Variants in COL5A1 observed in about 807,000 individuals in gnomAD.
The protein encoded by COL5A1 is collagen type V alpha 1 chain, also known as collagen alpha-1(V) chain.
COL5A1 carries 16 observed loss-of-function variants against 263.7 expected under a neutral mutation model. The ratio of observed to expected loss-of-function variants is 0.06; its 90% CI spans 0.04 to 0.09. The LOEUF is 0.09. COL5A1 is among the 10% of genes least tolerant of loss of function. COL5A1 has a pLI of 1.00. For synonymous variants in COL5A1, 1,012 were observed against 1,004.5 expected, an observed-to-expected ratio of 1.01 and a Z score of -0.14; for missense variants, 2,036 against 2,540.5, an observed-to-expected ratio of 0.80 and a Z score of 4.27.
chr9:134,806,496 C>T (rs1022122566), intron 42 of COL5A1, among the ~76,000 whole-genome samples, 200 bp downstream of exon 42: 1 of 151,992 alleles, frequency 6.6e-6, no homozygotes, highest in Non-Finnish European at 1.5e-5. Context: ...AGGAGGAGTC[C>T]TGGTGCCGGC....
chr9:134,692,473 C>G (rs896379134), intron 2 of COL5A1, among the ~76,000 whole-genome samples: 1 of 152,186 alleles, frequency 6.6e-6, no homozygotes, highest in Non-Finnish European at 1.5e-5. Flanking sequence ...CTTTTCTGCC[C>G]CATGACCCCC....
intron 1 of COL5A1, among the ~76,000 whole-genome samples, chr9:134,689,801 G>A (rs923363460): frequency 1.1e-4 from 17 of 152,158 alleles, no homozygotes; most frequent in African/African-American, 7.2e-5. Context: ...GGCAGTTGCC[G>A]GCTGCTGGGT....
chr9:134,655,311 A>C (rs1831922002), intron 1 of COL5A1, among the ~76,000 whole-genome samples: 1 of 151,826 alleles, frequency 6.6e-6, no homozygotes, highest in African/African-American at 2.4e-5. Flanking sequence ...GTGAGTCCCC[A>C]CCCGAGGGAG....
At chr9:134,699,786 A>T (rs1833603951) in intron 2 of COL5A1, 123 bp from the exon 3 acceptor site, 2 of 899,602 alleles carry the variant, frequency 2.2e-6, no homozygotes, top group East Asian at 2.5e-5. Flanking sequence ...AGCAGATGGC[A>T]GTGCCCCACG....
At chr9:134,835,257 G>A (rs546234363) in intron 65 of COL5A1, 53 bp downstream of exon 65, 447 of 1,500,724 alleles carry the variant, frequency 3.0e-4, no homozygotes, top group African/African-American at 1.3e-3. Context: ...CGTGGGGCTC[G>A]CTCCTCACTC....
At chr9:134,797,411 T>C (rs7873395) in intron 36 of COL5A1, among the ~76,000 whole-genome samples, 17,524 of 152,188 alleles carry the variant, frequency 0.12, 1,460 homozygotes, top group African/African-American at 0.23. Flanking sequence ...CAGTGGCCTG[T>C]GCACACTCAC....
intron 4 of COL5A1, among the ~76,000 whole-genome samples, chr9:134,711,136 TGAATTGTTCGGTC>T (rs1834030788): frequency 6.6e-6 from 1 of 152,100 alleles, no homozygotes; most frequent in Non-Finnish European, 1.5e-5. Flanking sequence ...CCTCTGGGCA[TGAATTGTTCGGTC>T]GGTGGTTTGG....
chr9:134,792,874 T>C (rs1250872330), intron 32 of COL5A1, among the ~76,000 whole-genome samples: 3 of 29,990 alleles, frequency 1.0e-4, no homozygotes, highest in Non-Finnish European at 2.4e-4. Flanking sequence ...TGCGCGCGTT[T>C]GTGCACACGT....
intron 4 of COL5A1, among the ~76,000 whole-genome samples, chr9:134,702,404 G>A (rs2132575928): frequency 6.6e-6 from 1 of 152,116 alleles, no homozygotes; most frequent in South Asian, 2.1e-4. Context: ...GTGAGCTCCT[G>A]GCTGTGTCTA....
In COL5A1 at chr9:134,789,425, G is replaced by A. The variant is rs1837593641; in HGVS notation, c.2700+217G>A. Among the ~76,000 whole-genome samples the A allele has an allele frequency of 6.6e-6, 1 of 152,204 alleles. No individual in the cohort carries two copies. The highest frequency in any genetic ancestry group is 2.4e-5 in the African/African-American group (1 of 41,448). On this transcript the variant is annotated intron_variant, in intron 32 of 65. Coordinates refer to ENST00000371817, the MANE Select transcript of COL5A1 (RefSeq NM_000093.5). The surrounding 1 kb of genome is among the most constrained non-coding windows in gnomAD (Gnocchi z 4.8). Reference sequence around the variant, plus strand: ...AGGTATGTGATAGGAAGGGGCAGAGGCAGGAAGGAAGTGTGCTGAGAAAAT... The same window carrying A: ...AGGTATGTGATAGGAAGGGGCAGAGACAGGAAGGAAGTGTGCTGAGAAAAT...
intron 4 of COL5A1, among the ~76,000 whole-genome samples, chr9:134,706,427 A>G (rs1833840896): frequency 6.6e-6 from 1 of 152,178 alleles, no homozygotes; most frequent in African/African-American, 2.4e-5. Context: ...CTCAGTGGCC[A>G]GGGTGAGCAT....
intron 65 of COL5A1, among the ~76,000 whole-genome samples, chr9:134,837,263 A>G (rs1283024226): frequency 6.6e-6 from 1 of 152,128 alleles, no homozygotes; most frequent in Non-Finnish European, 1.5e-5. Flanking sequence ...CCTGGCTTCC[A>G]TGGCAAAAAG....
Position 134,677,410 on chromosome 9 carries a change from A to C in COL5A1, c.110-13502A>C, listed in dbSNP as rs974734477. On this transcript the variant is annotated intron_variant, in intron 1 of 65. Coordinates refer to ENST00000371817, the MANE Select transcript of COL5A1 (RefSeq NM_000093.5). This position sits in a 1 kb window ranked among gnomAD's most constrained non-coding sequence, Gnocchi z 4.4. ...ACTGAGCATTTCAGGACAGCAGGAGAGGTTTCTCACTGCCTTCTAAATCCC... is the reference window on the plus strand; with the variant it reads ...ACTGAGCATTTCAGGACAGCAGGAGCGGTTTCTCACTGCCTTCTAAATCCC... 1.3e-4 allele frequency among the ~76,000 whole-genome samples: 20 copies of C among 152,140 alleles called. No homozygotes were observed. The highest frequency in any genetic ancestry group is 3.4e-3 in the Middle Eastern group (1 of 294).
In COL5A1 at chr9:134,711,840, G is replaced by C. The variant is rs868379018; in HGVS notation, c.654+10507G>C. Among the ~76,000 whole-genome samples the C allele has an allele frequency of 2.0e-4, 30 of 152,012 alleles. No homozygotes were observed. In the Middle Eastern group the frequency reaches 0.01, roughly 52 times the overall value. ...CACATCTCCTGTGTCCCCTTTCAGC[G>C]TCTCGTTCTCCAGCCCCATAGAGCC... is the stretch of plus-strand genomic sequence containing the variant. On this transcript the variant is annotated intron_variant, in intron 4 of 65. Transcript: ENST00000371817.
intron 34 of COL5A1, 70 bp downstream of exon 34, chr9:134,795,385 T>C (rs1837867844): frequency 1.2e-5 from 15 of 1,301,838 alleles, no homozygotes; most frequent in Non-Finnish European, 1.6e-5. Flanking sequence ...ACGTGGAGCG[T>C]CTGAGGGTGT....
At position 134,685,730 on chromosome 9, in the gene COL5A1, T is replaced by TCATC. The variant is rs1209477923; in HGVS notation, c.110-5163_110-5160dup. On this transcript the variant is annotated intron_variant, in intron 1 of 65. Transcript: ENST00000371817. ...GTCCATCATCCATCTATCCATCCATTCATCCATCCATCCATCCATCCACCA... is the reference window on the plus strand; with the variant it reads ...GTCCATCATCCATCTATCCATCCATTCATCCATCCATCCATCCATCCATCCACCA... Among the ~76,000 whole-genome samples, 198 of 111,254 alleles carry TCATC rather than the reference T, an allele frequency of 1.8e-3. 6 individuals are homozygous for TCATC. Among genetic ancestry groups the TCATC allele is most frequent in the African/African-American group, 6.4e-3 (179 of 27,942 alleles). 73.0% of individuals were successfully genotyped at this position (111,254 alleles called of 152,430 possible). A position where few individuals can be genotyped will look rare whatever the true frequency, so the allele number is the denominator to read the frequency against.
chr9:134,652,771 G>T lies in COL5A1; in HGVS notation c.109+10475G>T, dbSNP rs1399391975. 1 of 470,316 alleles carries T rather than the reference G, an allele frequency of 2.1e-6. No individual in the cohort carries two copies. Among genetic ancestry groups the T allele is most frequent in the Admixed American group, 2.4e-5 (1 of 42,526 alleles). The allele number at this position is 470,316 out of a possible 1,614,324, so 29.1% of individuals were successfully genotyped here. A position where few individuals can be genotyped will look rare whatever the true frequency, so the allele number is the denominator to read the frequency against. On this transcript the variant is annotated intron_variant, in intron 1 of 65. Transcript: ENST00000371817. The surrounding 1 kb of genome is among the most constrained non-coding windows in gnomAD (Gnocchi z 4.4). Reference sequence around the variant, plus strand: ...AGGGCCTCTTCTTAGGCCGGGTCCAGCGTTTCTCCTCATGGTGTAGACCAG... The same window carrying T: ...AGGGCCTCTTCTTAGGCCGGGTCCATCGTTTCTCCTCATGGTGTAGACCAG...
chr9:134,661,182 G>C (rs1013300619), intron 1 of COL5A1, among the ~76,000 whole-genome samples: 3 of 151,694 alleles, frequency 2.0e-5, no homozygotes, highest in Non-Finnish European at 4.4e-5. Context: ...GGTTGGGGAA[G>C]TGTCGGGGAC....
intron 11 of COL5A1, 93 bp from the exon 12 acceptor site, chr9:134,750,449 G>C: frequency 8.7e-7 from 1 of 1,144,270 alleles, no homozygotes; most frequent in Non-Finnish European, 1.3e-6. Context: ...GCATTTCCCG[G>C]GTGGGCCGCT....
Sources: allele counts gnomAD v4.1 joint callset (sites outside exome capture counted in the v4.1 genomes callset), GRCh38; gene constraint gnomAD v4.1.1; non-coding constraint Gnocchi (gnomAD v3.1); transcripts MANE v1.5; gene names NCBI Gene and HGNC (gene_info 2026-07-23, HGNC 2026-07-21).